The following ITGBL1 variants were observed in gnomAD, a reference collection of about 807,000 sequenced individuals.
The protein encoded by ITGBL1 is integrin beta-like protein 1.
In ITGBL1, 51 loss-of-function variants were observed where a neutral mutation model predicts 68.5. That is an observed-to-expected ratio of 0.74 (90% CI 0.59 to 0.94). The LOEUF (loss-of-function observed/expected upper bound fraction) is 0.94. Ranked by LOEUF, ITGBL1 falls within the 40% of genes least tolerant of loss-of-function variation. The pLI is 0.00. For missense variants in ITGBL1, 649 were observed against 647.4 expected (o/e 1.00, Z -0.03); for synonymous variants, 209 against 227.3 (o/e 0.92, Z 0.72).
chr13:101,706,804 T>G lies in ITGBL1; in HGVS notation c.1181T>G (p.Phe394Cys). 1 of 1,614,158 alleles carries G rather than the reference T, an allele frequency of 6.2e-7. No homozygotes were observed. Among genetic ancestry groups the G allele is most frequent in the Non-Finnish European group, 8.5e-7 (1 of 1,180,030 alleles). The change falls in exon 9 of 11, where the codon TTT (phenylalanine) becomes TGT (cysteine). Residue 394 changes from phenylalanine to cysteine, a missense_variant. By Grantham distance (205) the Phe-to-Cys change is radical. Transcript: ENST00000376180. ...CGRCVCERGW[F>C]GKLCQHPRKC... ...CGCTGTGTTTGTGAGAGAGGATGGT[T>G]TGGAAAGCTCTGCCAACATCCGCGG...
intron 2 of ITGBL1, among the ~76,000 whole-genome samples, chr13:101,507,634 G>A (rs540704581): frequency 1.1e-4 from 17 of 152,150 alleles, no homozygotes; most frequent in Admixed American, 2.6e-4. Context: ...TTTATACAGC[G>A]TCATTTCTGG....
At chr13:101,604,563 G>A (rs2030577024) in intron 7 of ITGBL1, among the ~76,000 whole-genome samples, 2 of 151,478 alleles carry the variant, frequency 1.3e-5, no homozygotes, top group South Asian at 2.1e-4. Context: ...ATGACAGCCA[G>A]TTGAGTGCCT....
At position 101,536,519 on chromosome 13, in the gene ITGBL1, A is replaced by G. The variant is rs117589879; in HGVS notation, c.317-31180A>G. On this transcript the variant is annotated intron_variant, in intron 2 of 10. Coordinates refer to ENST00000376180, the MANE Select transcript of ITGBL1 (RefSeq NM_004791.3). ...GTAGTATTGTAGAAAAGAGAAGACCATGGATATTAAGATTGAGTATAACTT... is the reference window on the plus strand; with the variant it reads ...GTAGTATTGTAGAAAAGAGAAGACCGTGGATATTAAGATTGAGTATAACTT... Among the ~76,000 whole-genome samples the G allele has an allele frequency of 8.6e-3, 1,309 of 152,158 alleles. 12 individuals carry two copies. The highest frequency in any genetic ancestry group is 0.014 in the Non-Finnish European group (929 of 67,908).
Position 101,605,166 on chromosome 13 carries a change from GTATA to G in ITGBL1, c.1015+6871_1015+6874del, listed in dbSNP as rs1566753454. ...TATATACATATGTGTGTGTATATGC[GTATA>G]TATGCACATATAGACATAGGCATGT... is the stretch of plus-strand genomic sequence containing the variant. On this transcript the variant is annotated intron_variant, in intron 7 of 10. Transcript: ENST00000376180. 6.1e-4 allele frequency among the ~76,000 whole-genome samples: 41 copies of G among 67,478 alleles called. 2 individuals are homozygous for G. The highest frequency in any genetic ancestry group is 1.1e-3 in the Admixed American group (7 of 6,182). The allele number at this position is 67,478 out of a possible 152,430, so 44.3% of individuals were successfully genotyped here. A position where few individuals can be genotyped will look rare whatever the true frequency, so the allele number is the denominator to read the frequency against.
In ITGBL1 at chr13:101,623,440, A is replaced by G. The variant is rs137967018; in HGVS notation, c.1015+25141A>G. ...TCTTATTCCTACCCAATTATCTAAC[A>G]TACAATTGTCATTTTGTTATGAGAT... On this transcript the variant is annotated intron_variant, in intron 7 of 10. Transcript: ENST00000376180. Among the ~76,000 whole-genome samples, 132 of 152,332 alleles carry G rather than the reference A, an allele frequency of 8.7e-4. 1 individual carries two copies. Among genetic ancestry groups the G allele is most frequent in the African/African-American group, 3.1e-3 (129 of 41,588 alleles).
intron 7 of ITGBL1, among the ~76,000 whole-genome samples, chr13:101,604,951 C>T (rs1245958643): frequency 1.8e-4 from 1 of 5,576 alleles, no homozygotes; most frequent in African/African-American, 2.5e-4. Flanking sequence ...TATATGTGTA[C>T]ATGTGTATAT....
At chr13:101,656,603 C>A (rs1026643066) in intron 7 of ITGBL1, among the ~76,000 whole-genome samples, 1 of 152,024 alleles carries the variant, frequency 6.6e-6, no homozygotes, top group Non-Finnish European at 1.5e-5. Flanking sequence ...CCTTAATATC[C>A]AGAGAATATG....
chr13:101,679,735 G>A (rs563639302), intron 7 of ITGBL1, among the ~76,000 whole-genome samples: 27 of 152,270 alleles, frequency 1.8e-4, no homozygotes, highest in Non-Finnish European at 3.5e-4. Flanking sequence ...GCCATCTCAA[G>A]GTTCAAATAA....
chr13:101,612,868 C>T (rs146806878), intron 7 of ITGBL1, among the ~76,000 whole-genome samples: 265 of 152,162 alleles, frequency 1.7e-3, no homozygotes, highest in Non-Finnish European at 2.7e-3. Context: ...GTTTCTTGTT[C>T]GGGTAGAAAG....
At chr13:101,506,312 G>A (rs959567676) in intron 2 of ITGBL1, among the ~76,000 whole-genome samples, 2 of 151,504 alleles carry the variant, frequency 1.3e-5, no homozygotes, top group South Asian at 2.1e-4. Context: ...TGTTAAATTT[G>A]TTTGATTGTT....
chr13:101,510,978 G>A (rs571674534), intron 2 of ITGBL1, among the ~76,000 whole-genome samples: 98 of 152,100 alleles, frequency 6.4e-4, no homozygotes, highest in African/African-American at 2.3e-3. Context: ...TTCTTTTGCT[G>A]TGCAGAAGAA....
At position 101,567,693 on chromosome 13, in the gene ITGBL1, C is replaced by A. The variant is rs2050203426; in HGVS notation, c.317-6C>A. ...TGAGTCTGACTAGATGTTGTTCAATCCCCAGGCCATGGTAAGTGTGACTGT... is the reference window on the plus strand; with the variant it reads ...TGAGTCTGACTAGATGTTGTTCAATACCCAGGCCATGGTAAGTGTGACTGT... On this transcript the variant is annotated splice_region_variant and splice_polypyrimidine_tract_variant and intron_variant, in intron 2 of 10. Transcript: ENST00000376180. 2.5e-6 allele frequency: 4 copies of A among 1,611,910 alleles called. No homozygotes were observed. In the South Asian group the frequency reaches 4.4e-5, roughly 18 times the overall value.
intron 7 of ITGBL1, among the ~76,000 whole-genome samples, chr13:101,601,247 T>C (rs1244182273): frequency 5.9e-5 from 9 of 152,212 alleles, no homozygotes; most frequent in East Asian, 1.9e-4. Context: ...TATTCTCTGA[T>C]GGTAGTTTGT....
chr13:101,622,285 G>A (rs1033670506), intron 7 of ITGBL1, among the ~76,000 whole-genome samples: 3 of 152,048 alleles, frequency 2.0e-5, no homozygotes, highest in Admixed American at 1.3e-4. Flanking sequence ...TCATGATGAT[G>A]GTAGTATCAT....
chr13:101,622,807 G>A (rs1461105546), intron 7 of ITGBL1, among the ~76,000 whole-genome samples: 10 of 151,904 alleles, frequency 6.6e-5, no homozygotes, highest in Non-Finnish European at 1.2e-4. Flanking sequence ...AATTTAATAC[G>A]AGGCCTCTAG....
intron 7 of ITGBL1, among the ~76,000 whole-genome samples, chr13:101,629,153 A>T (rs1194737067): frequency 2.0e-5 from 3 of 152,092 alleles, no homozygotes; most frequent in Admixed American, 6.5e-5. Flanking sequence ...TAAATCTTTG[A>T]CAACCCTTTA....
At chr13:101,564,256 G>A (rs971795573) in intron 2 of ITGBL1, among the ~76,000 whole-genome samples, 2 of 151,874 alleles carry the variant, frequency 1.3e-5, no homozygotes, top group African/African-American at 4.8e-5. Context: ...ATAAATTAGG[G>A]TAATCAAGAC....
At chr13:101,675,868 T>C (rs1329779780) in intron 7 of ITGBL1, among the ~76,000 whole-genome samples, 1 of 152,294 alleles carries the variant, frequency 6.6e-6, no homozygotes, top group East Asian at 1.9e-4. Context: ...TTCTTCCCTA[T>C]CTAATCTGGG....
chr13:101,535,403 T>G (rs1479826655), intron 2 of ITGBL1, among the ~76,000 whole-genome samples: 1 of 152,062 alleles, frequency 6.6e-6, no homozygotes, highest in Non-Finnish European at 1.5e-5. Flanking sequence ...CTAGACCTTA[T>G]AGTTAGAGAA....
Sources: gnomAD v4.1 joint callset for allele counts (sites outside exome capture counted in the v4.1 genomes callset) on GRCh38, gnomAD v4.1.1 for gene constraint, MANE v1.5 for transcripts, NCBI Gene and HGNC (gene_info 2026-07-23, HGNC 2026-07-21) for gene names.